Variants in VIT observed in about 807,000 individuals in gnomAD.
VIT encodes vitrin.
In VIT, 99 loss-of-function variants were observed where a neutral mutation model predicts 78.0. That is an observed-to-expected ratio of 1.27 (90% CI 1.08 to 1.50). VIT has a LOEUF of 1.50. VIT is among the 40% of genes most tolerant of loss of function. The probability of loss-of-function intolerance (pLI) is 0.00; values close to 1 mark genes in which losing one functional copy is unlikely to be tolerated. For synonymous variants in VIT, 374 were observed against 334.3 expected (o/e 1.12, Z -1.29); for missense variants, 1,126 against 875.3 (o/e 1.29, Z -3.61).
At chr2:36,747,348 T>C (rs1328596414) in intron 4 of VIT, among the ~76,000 whole-genome samples, 1 of 152,196 alleles carries the variant, frequency 6.6e-6, no homozygotes, top group African/African-American at 2.4e-5. Context: ...GTCCAGAATT[T>C]CTTTGTCAGT....
At chr2:36,742,545 C>T (rs1210103719) in intron 3 of VIT, among the ~76,000 whole-genome samples, 6 of 152,198 alleles carry the variant, frequency 3.9e-5, no homozygotes, top group African/African-American at 1.4e-4. Flanking sequence ...TTGCCTTCCA[C>T]ATCCTACATA....
At chr2:36,725,214 T>A (rs1481410826) in intron 2 of VIT, among the ~76,000 whole-genome samples, 2 of 152,186 alleles carry the variant, frequency 1.3e-5, no homozygotes, top group Non-Finnish European at 2.9e-5. Flanking sequence ...ACAGTCAGAA[T>A]TGGAGATAAT....
At chr2:36,810,758 C>G (rs756973457) in intron 15 of VIT, among the ~76,000 whole-genome samples, 4 of 152,026 alleles carry the variant, frequency 2.6e-5, no homozygotes, top group Admixed American at 6.6e-5. Context: ...CTCAGCCTCC[C>G]GAGTAGCTGG....
At chr2:36,770,216 C>T (rs920527391) in intron 7 of VIT, among the ~76,000 whole-genome samples, 3 of 152,232 alleles carry the variant, frequency 2.0e-5, no homozygotes, top group Admixed American at 1.3e-4. Flanking sequence ...TCGATGAACA[C>T]ATCCCATCAA....
In VIT at chr2:36,813,403, C is replaced by T. The variant is rs557485202; in HGVS notation, c.1904-780C>T. On this transcript the variant is annotated intron_variant, in intron 15 of 15. Transcript: ENST00000379242. ...AGCGGAGGTTGCAGTGAGTGGAGGT[C>T]ACACCATTGCACTCTAGTCTGGGTG... 1.8e-3 allele frequency among the ~76,000 whole-genome samples: 275 copies of T among 152,204 alleles called. 1 individual carries two copies. The highest frequency in any genetic ancestry group is 0.017 in the Middle Eastern group (5 of 294).
At chr2:36,698,847 G>A (rs1003401061) in intron 1 of VIT, among the ~76,000 whole-genome samples, 2 of 152,092 alleles carry the variant, frequency 1.3e-5, no homozygotes, top group Non-Finnish European at 2.9e-5. Context: ...GGGAGGCTGA[G>A]GCAGGAGAAT....
At position 36,702,320 on chromosome 2, in the gene VIT, C is replaced by T. The variant is rs533248847; in HGVS notation, c.-19+5347C>T. Among the ~76,000 whole-genome samples, 11 of 152,246 alleles carry T rather than the reference C, an allele frequency of 7.2e-5. No homozygotes were observed. In the East Asian group the frequency reaches 1.9e-3, roughly 27 times the overall value. ...CATCCTCACATGCCTCAATTTCCCC[C>T]AGACACCGCCTACCGCTCACTCACA... On this transcript the variant is annotated intron_variant, in intron 1 of 15. Coordinates refer to ENST00000379242, the MANE Select transcript of VIT (RefSeq NM_053276.4).
intron 12 of VIT, among the ~76,000 whole-genome samples, chr2:36,792,451 G>A (rs535675925): frequency 3.6e-4 from 54 of 152,052 alleles, no homozygotes; most frequent in African/African-American, 1.2e-3. Context: ...ACATACAAAC[G>A]ACTGCGCTTG....
At chr2:36,810,456 A>T (rs1667074027) in intron 15 of VIT, among the ~76,000 whole-genome samples, 1 of 152,342 alleles carries the variant, frequency 6.6e-6, no homozygotes, top group Admixed American at 6.5e-5. Flanking sequence ...TGATCCAAAA[A>T]GTGTCATAAG....
chr2:36,748,436 A>C (rs1668268129), intron 4 of VIT, among the ~76,000 whole-genome samples: 1 of 151,974 alleles, frequency 6.6e-6, no homozygotes, highest in Non-Finnish European at 1.5e-5. Context: ...TCATTTCTTA[A>C]ATTCTTTTTT....
At chr2:36,708,017 C>A (rs191483489) in intron 1 of VIT, among the ~76,000 whole-genome samples, 1 of 151,940 alleles carries the variant, frequency 6.6e-6, no homozygotes, top group Non-Finnish European at 1.5e-5. Context: ...GTTGTGGCAA[C>A]GGGAAATGCA....
At chr2:36,810,109 T>A (rs1406955886) in intron 15 of VIT, among the ~76,000 whole-genome samples, 1 of 150,560 alleles carries the variant, frequency 6.6e-6, no homozygotes, top group Non-Finnish European at 1.5e-5. Context: ...CTGACCAACA[T>A]GCAGAAACCC....
intron 1 of VIT, among the ~76,000 whole-genome samples, chr2:36,697,880 G>A (rs1341494834): frequency 6.6e-6 from 1 of 152,180 alleles, no homozygotes; most frequent in Non-Finnish European, 1.5e-5. Flanking sequence ...ATAGTATTTT[G>A]CCGTTACGTT....
At chr2:36,708,480 AG>A (rs1010820812) in intron 1 of VIT, among the ~76,000 whole-genome samples, 8 of 152,152 alleles carry the variant, frequency 5.3e-5, no homozygotes, top group Admixed American at 2.6e-4. Context: ...GTAAGCCTCT[AG>A]GGGGCTTATT....
intron 2 of VIT, among the ~76,000 whole-genome samples, chr2:36,729,032 A>G (rs979765696): frequency 6.6e-6 from 1 of 152,034 alleles, no homozygotes; most frequent in Admixed American, 6.5e-5. Flanking sequence ...TATCTTTTAT[A>G]CTGTATTTTT....
intron 3 of VIT, among the ~76,000 whole-genome samples, chr2:36,742,257 C>A (rs928573888): frequency 6.6e-6 from 1 of 152,144 alleles, no homozygotes; most frequent in Admixed American, 6.5e-5. Flanking sequence ...AGCATCTACT[C>A]CACCTCATCC....
intron 5 of VIT, 92 bp downstream of exon 5, chr2:36,755,146 C>A: frequency 7.4e-7 from 1 of 1,347,278 alleles, no homozygotes. Context: ...TTATGGCCCA[C>A]CTCATTTCAT....
intron 14 of VIT, among the ~76,000 whole-genome samples, chr2:36,806,842 C>A (rs147429910): frequency 6.6e-6 from 1 of 152,194 alleles, no homozygotes; most frequent in African/African-American, 2.4e-5. Flanking sequence ...GGATTACAGG[C>A]GTGGGCCACT....
chr2:36,757,507 C>T lies in VIT; in HGVS notation c.410-1462C>T, dbSNP rs111878296. Among the ~76,000 whole-genome samples the T allele has an allele frequency of 3.1e-3, 471 of 152,316 alleles. 5 individuals are homozygous for T. Among genetic ancestry groups the T allele is most frequent in the African/African-American group, 0.011 (462 of 41,568 alleles). On this transcript the variant is annotated intron_variant, in intron 5 of 15. Coordinates refer to ENST00000379242, the MANE Select transcript of VIT (RefSeq NM_053276.4). ...AGATCAATAAATAGAGAAGATGTCTCTTCCTCGCTTTCTGCAGATAAAGTG... is the reference window on the plus strand; with the variant it reads ...AGATCAATAAATAGAGAAGATGTCTTTTCCTCGCTTTCTGCAGATAAAGTG...
Sources: allele counts gnomAD v4.1 joint callset (sites outside exome capture counted in the v4.1 genomes callset), GRCh38; gene constraint gnomAD v4.1.1; transcripts MANE v1.5; gene names NCBI Gene and HGNC (gene_info 2026-07-23, HGNC 2026-07-21).